DNAH8: variants seen among roughly 807,000 people sequenced by gnomAD.
DNAH8 encodes dynein axonemal heavy chain 8.
DNAH8 carries 382 observed loss-of-function variants against 562.1 expected under a neutral mutation model. That is an observed-to-expected ratio of 0.68 (90% CI 0.63 to 0.74). The LOEUF is 0.74. Among genes scored for constraint, DNAH8 ranks in the 30% least tolerant of loss-of-function variants. DNAH8 has a pLI of 0.00. For synonymous variants in DNAH8, 1,881 were observed against 1,919.4 expected (o/e 0.98, Z 0.52); for missense variants, 5,203 against 5,620.4 (o/e 0.93, Z 2.37).
intron 32 of DNAH8, 50 bp downstream of exon 32, chr6:38,834,691 T>G (rs2150358606): frequency 7.1e-7 from 1 of 1,410,608 alleles, no homozygotes; most frequent in Non-Finnish European, 9.9e-7. Context: ...TTTAAAAAAT[T>G]ATTTTGGGGA....
At chr6:38,839,758 G>T (rs1019075676) in intron 33 of DNAH8, among the ~76,000 whole-genome samples, 4 of 152,088 alleles carry the variant, frequency 2.6e-5, no homozygotes, top group African/African-American at 9.7e-5. Context: ...CACCTGCTGG[G>T]TTCAAGTGAT....
chr6:38,937,376 C>G (rs1325955902), intron 77 of DNAH8, among the ~76,000 whole-genome samples: 1 of 151,834 alleles, frequency 6.6e-6, no homozygotes, highest in Non-Finnish European at 1.5e-5. Flanking sequence ...TAATGAAAGG[C>G]AAAACTAAAA....
chr6:38,737,324 C>A, intron 6 of DNAH8, 68 bp downstream of exon 6: 1 of 988,980 alleles, frequency 1.0e-6, no homozygotes, highest in Non-Finnish European at 1.4e-6. Flanking sequence ...ATTTCATAAA[C>A]AGAGAAAAAG....
intron 10 of DNAH8, among the ~76,000 whole-genome samples, chr6:38,758,569 A>G (rs1766159251): frequency 6.6e-6 from 1 of 151,792 alleles, no homozygotes; most frequent in Non-Finnish European, 1.5e-5. Flanking sequence ...CACTATGTTG[A>G]ATAGGAGTGG....
At chr6:38,763,469 A>G in intron 11 of DNAH8, 2 of 302,766 alleles carry the variant, frequency 6.6e-6, no homozygotes, top group Non-Finnish European at 1.3e-5. Context: ...AATTGAAAAC[A>G]TTAGTTGATA....
At chr6:38,790,089 G>A (rs1379080127) in intron 19 of DNAH8, among the ~76,000 whole-genome samples, 200 bp from the exon 20 acceptor site, 1 of 150,774 alleles carries the variant, frequency 6.6e-6, no homozygotes, top group Non-Finnish European at 1.5e-5. Context: ...TAAATCATGA[G>A]CATTTTTTCT....
chr6:38,835,671 G>C (rs982728291), intron 32 of DNAH8, among the ~76,000 whole-genome samples: 1 of 152,144 alleles, frequency 6.6e-6, no homozygotes, highest in East Asian at 1.9e-4. Context: ...GCAATATGGG[G>C]AGATGTAAGG....
intron 66 of DNAH8, among the ~76,000 whole-genome samples, chr6:38,913,406 C>T (rs1781054601): frequency 6.6e-6 from 1 of 152,178 alleles, no homozygotes; most frequent in Non-Finnish European, 1.5e-5. Context: ...CATAAGTTTT[C>T]ACAGTTATTT....
At chr6:38,962,799 T>C (rs1225157768) in intron 82 of DNAH8, among the ~76,000 whole-genome samples, 1 of 152,148 alleles carries the variant, frequency 6.6e-6, no homozygotes, top group Non-Finnish European at 1.5e-5. Flanking sequence ...CTGTATGTTA[T>C]AAAAAGGAAT....
At chr6:39,026,411 G>A in intron 91 of DNAH8, 135 bp from the exon 92 acceptor site, 1 of 815,890 alleles carries the variant, frequency 1.2e-6, no homozygotes, top group South Asian at 1.9e-5. Context: ...TCTCCCCTGG[G>A]GTTTGGCCTC....
chr6:38,798,622 A>C (rs1039175443), intron 21 of DNAH8, among the ~76,000 whole-genome samples: 1 of 152,186 alleles, frequency 6.6e-6, no homozygotes, highest in African/African-American at 2.4e-5. Flanking sequence ...TGTGCAGTGG[A>C]ATGTGTATGT....
intron 16 of DNAH8, among the ~76,000 whole-genome samples, chr6:38,782,703 T>C (rs1485484868): frequency 6.6e-6 from 1 of 152,194 alleles, no homozygotes; most frequent in Non-Finnish European, 1.5e-5. Context: ...TCCAGAACAG[T>C]GGGATGGGAT....
rs1583564773 is a variant in DNAH8 at position 39,011,500 on chromosome 6, G to A, written c.13372-715G>A. The stretch of plus-strand genomic sequence containing the variant: ...TGCCAGTATTTGTAGTCAATCTTTT[G>A]TTGGGCATATGTCACCAAATTGAAA... On this transcript the variant is annotated intron_variant, in intron 89 of 92. Transcript: ENST00000327475. 2.0e-5 allele frequency among the ~76,000 whole-genome samples: 3 copies of A among 152,260 alleles called. No individual in the cohort carries two copies. The South Asian group carries it at 6.2e-4, about 32-fold the overall frequency.
At chr6:38,914,390 CTCT>C (rs1781135978) in intron 67 of DNAH8, among the ~76,000 whole-genome samples, 1 of 90,268 alleles carries the variant, frequency 1.1e-5, no homozygotes, top group Non-Finnish European at 2.2e-5. Flanking sequence ...GCTGCTTTTT[CTCT>C]TTTTTTTTTT....
intron 4 of DNAH8, among the ~76,000 whole-genome samples, chr6:38,733,283 CT>C (rs1397767733): frequency 1.0e-5 from 1 of 98,676 alleles, no homozygotes; most frequent in Non-Finnish European, 2.8e-5. Flanking sequence ...GACCAACTAT[CT>C]AACATAATTC....
Position 38,967,889 on chromosome 6 carries a change from A to G in DNAH8, c.12452-3703A>G, listed in dbSNP as rs535280790. 3.2e-4 allele frequency among the ~76,000 whole-genome samples: 49 copies of G among 152,324 alleles called. No homozygotes were observed. In the Middle Eastern group the frequency reaches 0.01, roughly 32 times the overall value. ...CAAAATCAAGACTTACTACAAAGCT[A>G]CAGTAATTAAAACAGTGTGATATGG... On this transcript the variant is annotated intron_variant, in intron 82 of 92. Transcript: ENST00000327475.
chr6:38,986,319 C>G (rs1369352802), intron 87 of DNAH8, among the ~76,000 whole-genome samples: 1 of 152,018 alleles, frequency 6.6e-6, no homozygotes, highest in Non-Finnish European at 1.5e-5. Flanking sequence ...GTCTTACAAA[C>G]AGTGTTGAGT....
intron 20 of DNAH8, 108 bp downstream of exon 20, chr6:38,790,513 C>T (rs1175469858): frequency 1.8e-6 from 1 of 565,438 alleles, no homozygotes; most frequent in African/African-American, 2.0e-5. Flanking sequence ...ACTAAAAGGA[C>T]ATCCGTTAGG....
chr6:38,787,761 G>A (rs926012286), intron 18 of DNAH8, among the ~76,000 whole-genome samples: 2 of 149,716 alleles, frequency 1.3e-5, no homozygotes, highest in Non-Finnish European at 3.0e-5. Flanking sequence ...TTGATTCAAA[G>A]GTCGAATCAA....
Sources: allele counts gnomAD v4.1 joint callset (sites outside exome capture counted in the v4.1 genomes callset), GRCh38; gene constraint gnomAD v4.1.1; transcripts MANE v1.5; gene names NCBI Gene and HGNC (gene_info 2026-07-23, HGNC 2026-07-21).